The following FMN1 variants were observed in gnomAD, a reference collection of about 807,000 sequenced individuals.
FMN1 encodes the protein formin-1.
Under a neutral mutation model 132.4 loss-of-function variants are expected in FMN1, and 110 were observed. The observed-to-expected ratio is 0.83, with a 90% CI of 0.71 to 0.97. The LOEUF is 0.97. Ranked by LOEUF, FMN1 falls within the 50% of genes least tolerant of loss-of-function variation. The probability of loss-of-function intolerance (pLI) is 0.00; values close to 1 mark genes in which losing one functional copy is unlikely to be tolerated. For missense variants in FMN1, 1,792 were observed against 1,705.3 expected (o/e 1.05, Z -0.90); for synonymous variants, 722 against 651.7 (o/e 1.11, Z -1.64).
At chr15:32,863,200 T>C (rs889844233) in intron 16 of FMN1, among the ~76,000 whole-genome samples, 10 of 152,250 alleles carry the variant, frequency 6.6e-5, no homozygotes, top group East Asian at 3.9e-4. Flanking sequence ...TCCCAGCACT[T>C]TGGGAGGCCG....
At position 32,842,005 on chromosome 15, in the gene FMN1, C is replaced by T. The variant is rs536495230; in HGVS notation, c.3928+15010G>A. Among the ~76,000 whole-genome samples the T allele has an allele frequency of 5.9e-5, 9 of 152,314 alleles. No homozygotes were observed. The South Asian group carries it at 1.9e-3, about 32-fold the overall frequency. ...GGTAGCTTGTCTCCAAGATGTCCAT[C>T]ATCAGCTCTTTCCTTCCCTGCATGT... On this transcript the variant is annotated intron_variant, in intron 17 of 20. Coordinates refer to ENST00000616417, the MANE Select transcript of FMN1 (RefSeq NM_001277313.2).
chr15:32,899,809 C>T, intron 14 of FMN1, 170 bp downstream of exon 14: 1 of 685,734 alleles, frequency 1.5e-6, no homozygotes, highest in South Asian at 2.0e-5. Flanking sequence ...AAACAAAACT[C>T]TTTATTCGAA....
At chr15:32,927,964 G>A (rs1017252124) in intron 9 of FMN1, among the ~76,000 whole-genome samples, 1 of 152,230 alleles carries the variant, frequency 6.6e-6, no homozygotes, top group Non-Finnish European at 1.5e-5. Context: ...TATTATTACT[G>A]TAATAGCTGA....
At chr15:33,049,063 A>T (rs2036848942) in intron 6 of FMN1, among the ~76,000 whole-genome samples, 1 of 152,252 alleles carries the variant, frequency 6.6e-6, no homozygotes, top group Non-Finnish European at 1.5e-5. Flanking sequence ...GGTTTCAACA[A>T]GTTGTGGAAG....
At position 32,867,550 on chromosome 15, in the gene FMN1, C is replaced by A. The variant is rs1337913645; in HGVS notation, c.3836-10443G>T. On this transcript the variant is annotated intron_variant, in intron 16 of 20. Transcript: ENST00000616417. ...ACGGAGTCTCGCTCTTTCACCCAGG[C>A]TGGAGTGCAGTCGTGTGATCTCCTC... Among the ~76,000 whole-genome samples the A allele has an allele frequency of 2.6e-5, 4 of 151,424 alleles. No individual in the cohort carries two copies. The East Asian group carries it at 7.7e-4, about 29-fold the overall frequency.
intron 4 of FMN1, among the ~76,000 whole-genome samples, chr15:33,143,198 T>G (rs1404493631): frequency 6.6e-6 from 1 of 152,210 alleles, no homozygotes; most frequent in African/African-American, 2.4e-5. Context: ...CCCAAACCCA[T>G]GCAGAGATGA....
intron 9 of FMN1, among the ~76,000 whole-genome samples, chr15:32,963,208 T>C (rs969427073): frequency 1.1e-4 from 16 of 151,334 alleles, no homozygotes; most frequent in East Asian, 1.9e-4. Flanking sequence ...ATGGATGAAA[T>C]TGGAAATCAT....
At chr15:32,895,628 T>C (rs1486334263) in intron 15 of FMN1, among the ~76,000 whole-genome samples, 1 of 152,186 alleles carries the variant, frequency 6.6e-6, no homozygotes, top group East Asian at 1.9e-4. Flanking sequence ...GAGAAAGGTT[T>C]GATCAATTTA....
intron 9 of FMN1, 93 bp downstream of exon 9, chr15:32,964,014 G>GACACACAC (rs1555505885): frequency 2.0e-5 from 7 of 343,084 alleles, no homozygotes; most frequent in South Asian, 5.6e-5. Flanking sequence ...GTGTATATAC[G>GACACACAC]ATACACACAC....
At chr15:32,878,281 A>G (rs2059684675) in intron 16 of FMN1, among the ~76,000 whole-genome samples, 1 of 152,212 alleles carries the variant, frequency 6.6e-6, no homozygotes, top group Non-Finnish European at 1.5e-5. Context: ...AGAAGACTGG[A>G]AAGGCAGAAG....
At chr15:33,020,788 C>T (rs574503563) in intron 6 of FMN1, among the ~76,000 whole-genome samples, 1 of 152,300 alleles carries the variant, frequency 6.6e-6, no homozygotes, top group South Asian at 2.1e-4. Flanking sequence ...GGATGTGCAT[C>T]TTTGAAATAT....
intron 6 of FMN1, among the ~76,000 whole-genome samples, chr15:33,022,361 G>T (rs2141021486): frequency 6.6e-6 from 1 of 152,242 alleles, no homozygotes; most frequent in East Asian, 1.9e-4. Flanking sequence ...AGGGGAGGCT[G>T]GGGAGAGACA....
At chr15:32,777,660 C>T (rs1267060140) in intron 19 of FMN1, among the ~76,000 whole-genome samples, 2 of 136,758 alleles carry the variant, frequency 1.5e-5, no homozygotes, top group East Asian at 2.3e-4. Context: ...TTATATATTA[C>T]GTATAACATA....
intron 19 of FMN1, among the ~76,000 whole-genome samples, chr15:32,795,897 T>C (rs1009478884): frequency 6.6e-6 from 1 of 152,226 alleles, no homozygotes; most frequent in Non-Finnish European, 1.5e-5. Context: ...AGTAGATTAC[T>C]CTTCCAAAGA....
chr15:33,035,944 TTA>T (rs761738204), intron 6 of FMN1, among the ~76,000 whole-genome samples: 3 of 152,096 alleles, frequency 2.0e-5, no homozygotes, highest in Non-Finnish European at 4.4e-5. Context: ...GCTGGTGGCT[TTA>T]TAAGAAGAGG....
intron 3 of FMN1, among the ~76,000 whole-genome samples, chr15:33,179,903 C>T (rs1965637415): frequency 6.6e-6 from 1 of 152,094 alleles, no homozygotes; most frequent in South Asian, 2.1e-4. Flanking sequence ...AGTCTTCTGC[C>T]TTGAGTGACT....
intron 17 of FMN1, among the ~76,000 whole-genome samples, chr15:32,816,786 T>C (rs376770440): frequency 3.9e-5 from 6 of 152,224 alleles, no homozygotes; most frequent in South Asian, 2.1e-4. Context: ...TTAAATTTCA[T>C]TGGGCAGTCA....
intron 4 of FMN1, among the ~76,000 whole-genome samples, chr15:33,094,670 G>A (rs1326508116): frequency 1.3e-5 from 2 of 152,184 alleles, no homozygotes; most frequent in Admixed American, 6.5e-5. Flanking sequence ...ACTATTTATA[G>A]TCATGCCTTT....
intron 16 of FMN1, among the ~76,000 whole-genome samples, chr15:32,861,015 G>C (rs2059255957): frequency 6.6e-6 from 1 of 152,176 alleles, no homozygotes; most frequent in Non-Finnish European, 1.5e-5. Flanking sequence ...AAACTTTCCT[G>C]ATTATTTCCA....
Sources: allele counts gnomAD v4.1 joint callset (sites outside exome capture counted in the v4.1 genomes callset), GRCh38; gene constraint gnomAD v4.1.1; transcripts MANE v1.5; gene names NCBI Gene and HGNC (gene_info 2026-07-23, HGNC 2026-07-21).